Variants in ARSB observed in about 807,000 individuals in gnomAD.
ARSB encodes the protein N-acetylgalactosamine-4-sulfatase.
Under a neutral mutation model 50.9 loss-of-function variants are expected in ARSB, and 41 were observed. The ratio of observed to expected loss-of-function variants is 0.81; its 90% confidence interval spans 0.63 to 1.04. ARSB has a LOEUF of 1.04. ARSB is among the 50% of genes least tolerant of loss of function. The pLI, the probability that ARSB is intolerant of heterozygous loss-of-function variation, is 0.00. For synonymous variants in ARSB, 269 were observed against 284.8 expected (o/e 0.94, Z 0.56); for missense variants, 672 against 693.3 (o/e 0.97, Z 0.35).
At position 78,839,567 on chromosome 5, in the gene ARSB, A is replaced by G. The variant is rs1745102742; in HGVS notation, c.1143-141T>C. 6.6e-6 allele frequency: 5 copies of G among 758,582 alleles called. No homozygotes were observed. The South Asian group carries it at 7.7e-5, about 12-fold the overall frequency. The allele number at this position is 758,582 out of a possible 1,614,324, so 47.0% of individuals were successfully genotyped here. On this transcript the variant is annotated intron_variant, in intron 5 of 7. Transcript: ENST00000264914. ...TGTCATGAATTTGGAGGTCTCCACAATCACGGCTGGTGCATCTTCAAGCAG... is the reference window on the plus strand; with the variant it reads ...TGTCATGAATTTGGAGGTCTCCACAGTCACGGCTGGTGCATCTTCAAGCAG...
In ARSB at chr5:78,834,696, C is replaced by T. The variant is rs184253631; in HGVS notation, c.1213+4660G>A. Reference sequence around the variant, plus strand: ...TCACTGATGGACATTTGGGTTGCTACTACCTTTTGGCTGTTCTGAGTAATG... The same window carrying T: ...TCACTGATGGACATTTGGGTTGCTATTACCTTTTGGCTGTTCTGAGTAATG... On this transcript the variant is annotated intron_variant, in intron 6 of 7. Coordinates refer to ENST00000264914, the MANE Select transcript of ARSB (RefSeq NM_000046.5). 1.7e-4 allele frequency among the ~76,000 whole-genome samples: 24 copies of T among 142,202 alleles called. 1 individual carries two copies. The East Asian group carries it at 4.8e-3, about 29-fold the overall frequency. The allele number at this position is 142,202 out of a possible 152,430, so 93.3% of individuals were successfully genotyped here.
intron 4 of ARSB, among the ~76,000 whole-genome samples, chr5:78,892,191 T>C (rs1473683542): frequency 6.6e-6 from 1 of 151,976 alleles, no homozygotes; most frequent in African/African-American, 2.4e-5. Context: ...AAACATCACG[T>C]TTTCATAAGA....
rs545315099 is a variant in ARSB, at chr5:78,813,050, G to GAATAAGTA, written c.1213+26298_1213+26305dup. On this transcript the variant is annotated intron_variant, in intron 6 of 7. Coordinates refer to ENST00000264914, the MANE Select transcript of ARSB (RefSeq NM_000046.5). ...TTTACAAATTATGTGTACAGAGATG[G>GAATAAGTA]AATAAGTAAATTTCTTCCTTCCTTC... is the stretch of plus-strand genomic sequence containing the variant. Among the ~76,000 whole-genome samples, 235 of 151,938 alleles carry GAATAAGTA rather than the reference G, an allele frequency of 1.5e-3. 1 individual carries two copies. The highest frequency in any genetic ancestry group is 3.4e-3 in the Middle Eastern group (1 of 294).
chr5:78,811,315 C>A (rs933879858), intron 6 of ARSB, among the ~76,000 whole-genome samples: 1 of 152,152 alleles, frequency 6.6e-6, no homozygotes, highest in Non-Finnish European at 1.5e-5. Context: ...AGCATTCTTT[C>A]GGTTAGTGGG....
chr5:78,799,180 G>A (rs1333085787), intron 6 of ARSB, among the ~76,000 whole-genome samples: 1 of 152,166 alleles, frequency 6.6e-6, no homozygotes. Flanking sequence ...AAATATGAAG[G>A]AGGTGCCACC....
chr5:78,816,194 C>G, intron 6 of ARSB: 1 of 1,612,518 alleles, frequency 6.2e-7, no homozygotes, highest in Non-Finnish European at 8.5e-7. Context: ...CATTTCTAGT[C>G]CAGGAGATTT....
chr5:78,859,530 G>A (rs139041026), intron 5 of ARSB, among the ~76,000 whole-genome samples: 1 of 151,986 alleles, frequency 6.6e-6, no homozygotes, highest in East Asian at 1.9e-4. Flanking sequence ...CAACAGCGTT[G>A]GAAACTAAAG....
At chr5:78,930,931 C>T (rs985137454) in intron 4 of ARSB, among the ~76,000 whole-genome samples, 3 of 152,210 alleles carry the variant, frequency 2.0e-5, no homozygotes, top group East Asian at 3.8e-4. Context: ...GAGCAAGTCT[C>T]TGATAAACTC....
chr5:78,834,643 A>C (rs936513510), intron 6 of ARSB, among the ~76,000 whole-genome samples: 1 of 136,298 alleles, frequency 7.3e-6, no homozygotes. Context: ...ATATATATAT[A>C]TATGCCACAT....
chr5:78,786,662 C>T (rs116351128), intron 6 of ARSB, among the ~76,000 whole-genome samples: 2 of 152,340 alleles, frequency 1.3e-5, no homozygotes, highest in Non-Finnish European at 2.9e-5. Flanking sequence ...CACTCCATCA[C>T]CCAGGCTGGA....
chr5:78,823,053 CA>C (rs1467056414), intron 6 of ARSB, among the ~76,000 whole-genome samples: 3 of 152,200 alleles, frequency 2.0e-5, no homozygotes, highest in African/African-American at 7.2e-5. Context: ...TTTCTAATCT[CA>C]AAACACTTTA....
At chr5:78,982,949 CATGGGGT>C (rs1203716815) in intron 1 of ARSB, among the ~76,000 whole-genome samples, 1 of 152,176 alleles carries the variant, frequency 6.6e-6, no homozygotes, top group Non-Finnish European at 1.5e-5. Flanking sequence ...ACTTCATAAC[CATGGGGT>C]ACTCTAAATA....
intron 7 of ARSB, among the ~76,000 whole-genome samples, chr5:78,781,141 T>TC (rs1580961828): frequency 1.3e-5 from 2 of 152,162 alleles, no homozygotes; most frequent in East Asian, 3.8e-4. Context: ...AGGAGCAACC[T>TC]CCTTCCCCAG....
Position 78,985,177 on chromosome 5 carries a change from G to C in ARSB, c.72C>G (p.Leu24=). 1 of 1,429,028 alleles carries C rather than the reference G, an allele frequency of 7.0e-7. No homozygotes were observed. The highest frequency in any genetic ancestry group is 9.2e-7 in the Non-Finnish European group (1 of 1,091,932). The allele number at this position is 1,429,028 out of a possible 1,614,324, so 88.5% of individuals were successfully genotyped here. ...CCAACAACAGCAGCAGCAGCAGCGG[G>C]AGGACGACGGGGAGGAGCAGCCGCC... ...GPRRLLLPVV[L]PLLLLLLLAP... is the part of the protein sequence containing the mutation. The change falls in exon 1 of 8, where the codon CTC becomes CTG. Residue 24 remains leucine, a synonymous_variant. Coordinates refer to ENST00000264914, the MANE Select transcript of ARSB (RefSeq NM_000046.5).
At chr5:78,937,290 T>C (rs1031409055) in intron 4 of ARSB, among the ~76,000 whole-genome samples, 1 of 141,646 alleles carries the variant, frequency 7.1e-6, no homozygotes, top group African/African-American at 2.6e-5. Flanking sequence ...GTAAGATATA[T>C]ATATGTAAGA....
chr5:78,909,940 G>C (rs11742408), intron 4 of ARSB, among the ~76,000 whole-genome samples: 75,314 of 152,090 alleles, frequency 0.5, 18,972 homozygotes, highest in Middle Eastern at 0.59. Flanking sequence ...GAGAAAAGCC[G>C]CCCTGTGGCG....
chr5:78,843,932 C>A (rs1745336795), intron 5 of ARSB, among the ~76,000 whole-genome samples: 1 of 152,146 alleles, frequency 6.6e-6, no homozygotes, highest in African/African-American at 2.4e-5. Flanking sequence ...TTGAAGATAT[C>A]ACATTTTCTT....
At chr5:78,949,873 G>T (rs556815899) in intron 4 of ARSB, among the ~76,000 whole-genome samples, 1 of 152,188 alleles carries the variant, frequency 6.6e-6, no homozygotes, top group Middle Eastern at 3.4e-3. Context: ...TCATGCTACT[G>T]TACTCCAGCC....
intron 7 of ARSB, among the ~76,000 whole-genome samples, chr5:78,781,323 C>CTCTTTTTT (rs1748918911): frequency 5.3e-5 from 4 of 75,352 alleles, no homozygotes; most frequent in Admixed American, 2.0e-4. Context: ...CTCTCTCTCT[C>CTCTTTTTT]TTTTTTTTTT....
Sources: allele counts gnomAD v4.1 joint callset (sites outside exome capture counted in the v4.1 genomes callset), GRCh38; gene constraint gnomAD v4.1.1; transcripts MANE v1.5; gene names NCBI Gene and HGNC (gene_info 2026-07-23, HGNC 2026-07-21).